Variants in HDAC9 observed in about 807,000 individuals in gnomAD.
The protein encoded by HDAC9 is histone deacetylase 9.
HDAC9 carries 41 observed loss-of-function variants against 139.4 expected under a neutral mutation model. The ratio of observed to expected loss-of-function variants is 0.29; its 90% confidence interval spans 0.23 to 0.38. The LOEUF is 0.38. Among genes scored for constraint, HDAC9 ranks in the 10% least tolerant of loss-of-function variants. The pLI, the probability that HDAC9 is intolerant of heterozygous loss-of-function variation, is 1.00. For missense variants in HDAC9, 1,147 were observed against 1,297.0 expected (o/e 0.88, Z 1.78); for synonymous variants, 517 against 476.2 (o/e 1.09, Z -1.12).
intron 22 of HDAC9, among the ~76,000 whole-genome samples, chr7:18,919,559 T>C (rs935975834): frequency 6.6e-6 from 1 of 151,882 alleles, no homozygotes; most frequent in Non-Finnish European, 1.5e-5. Context: ...AAACAACCCA[T>C]TGATGTAAAT....
chr7:18,288,717 C>T (rs1797611253), upstream of HDAC9, among the ~76,000 whole-genome samples: 1 of 152,144 alleles, frequency 6.6e-6, no homozygotes, highest in Non-Finnish European at 1.5e-5. Context: ...GCTTGAGCAG[C>T]TTAATGCTCT....
chr7:18,155,799 G>C (rs1243696545), intron 1 of HDAC9, among the ~76,000 whole-genome samples: 1 of 152,162 alleles, frequency 6.6e-6, no homozygotes, highest in Non-Finnish European at 1.5e-5. Context: ...CAATAGTCTT[G>C]CATAGATAAC....
intron 22 of HDAC9, among the ~76,000 whole-genome samples, chr7:18,918,211 G>A (rs1803380900): frequency 1.3e-5 from 2 of 151,998 alleles, no homozygotes; most frequent in African/African-American, 4.8e-5. Context: ...GTATAACTGT[G>A]ACAATGAAAA....
intron 23 of HDAC9, among the ~76,000 whole-genome samples, chr7:18,951,020 T>G (rs1463563029): frequency 6.6e-6 from 1 of 151,986 alleles, no homozygotes; most frequent in Non-Finnish European, 1.5e-5. Flanking sequence ...AAAAAATCAG[T>G]GAGCTGTTTT....
chr7:18,847,738 A>G (rs1385135505), intron 21 of HDAC9, among the ~76,000 whole-genome samples: 2 of 152,214 alleles, frequency 1.3e-5, no homozygotes, highest in South Asian at 2.1e-4. Context: ...CATCCTCCCC[A>G]TTCTGGCCGC....
At chr7:18,395,704 G>C (rs754012014) in intron 1 of HDAC9, among the ~76,000 whole-genome samples, 42 of 152,162 alleles carry the variant, frequency 2.8e-4, no homozygotes, top group Non-Finnish European at 5.7e-4. Context: ...ACATTGCCAA[G>C]ACATATTAGA....
At chr7:18,903,842 G>C (rs1362824789) in intron 22 of HDAC9, among the ~76,000 whole-genome samples, 1 of 152,150 alleles carries the variant, frequency 6.6e-6, no homozygotes, top group East Asian at 1.9e-4. Flanking sequence ...TTGTAGTCAA[G>C]CATGCTGTTC....
intron 11 of HDAC9, 96 bp from the exon 12 acceptor site, chr7:18,666,115 AAT>A: frequency 8.0e-7 from 1 of 1,256,274 alleles, no homozygotes; most frequent in Non-Finnish European, 1.1e-6. Flanking sequence ...AATGATTAGA[AAT>A]CACAGTGTAT....
Position 18,685,502 on chromosome 7 carries a change from A to G in HDAC9, c.1731+19026A>G, listed in dbSNP as rs553692268. 1.5e-4 allele frequency among the ~76,000 whole-genome samples: 23 copies of G among 152,210 alleles called. No homozygotes were observed. In the South Asian group the frequency reaches 4.3e-3, roughly 29 times the overall value. On this transcript the variant is annotated intron_variant, in intron 12 of 25. Coordinates refer to ENST00000686413, the MANE Select transcript of HDAC9 (RefSeq NM_178425.4). ...ACCCATGCTGACATGTAAAGATGAC[A>G]TATAGCCACAGCTTTCTTGACAGTT... is the stretch of plus-strand genomic sequence containing the variant.
intron 1 of HDAC9, among the ~76,000 whole-genome samples, chr7:18,103,678 C>T (rs867201611): frequency 3.3e-5 from 5 of 152,214 alleles, no homozygotes; most frequent in Non-Finnish European, 5.9e-5. Flanking sequence ...TTGGAATCTG[C>T]GACCTTAAGT....
chr7:18,485,533 G>A (rs1379227039), intron 1 of HDAC9, among the ~76,000 whole-genome samples: 1 of 151,138 alleles, frequency 6.6e-6, no homozygotes, highest in African/African-American at 2.4e-5. Context: ...GTTTATAGCT[G>A]ATGTTAGTTC....
intron 13 of HDAC9, among the ~76,000 whole-genome samples, chr7:18,746,268 G>A (rs910787455): frequency 1.3e-5 from 2 of 152,076 alleles, no homozygotes; most frequent in Admixed American, 6.6e-5. Flanking sequence ...TGAAAAAAAT[G>A]TTAAACAGTT....
chr7:18,442,125 A>G (rs754275933), intron 1 of HDAC9, among the ~76,000 whole-genome samples: 2 of 152,166 alleles, frequency 1.3e-5, no homozygotes, highest in Non-Finnish European at 2.9e-5. Context: ...TAGTTTTCAC[A>G]GATTTTCAAT....
At chr7:18,151,207 A>G (rs1309236035) in intron 1 of HDAC9, among the ~76,000 whole-genome samples, 4 of 152,186 alleles carry the variant, frequency 2.6e-5, no homozygotes, top group Non-Finnish European at 5.9e-5. Context: ...TTCAGTTTCA[A>G]AGGTGGCTTT....
At chr7:18,577,940 A>T (rs992458562) in intron 2 of HDAC9, among the ~76,000 whole-genome samples, 1 of 152,132 alleles carries the variant, frequency 6.6e-6, no homozygotes, top group Non-Finnish European at 1.5e-5. Flanking sequence ...GTTAAAAAAA[A>T]TTTAAAAACC....
chr7:18,126,549 A>G (rs964964336), intron 1 of HDAC9, among the ~76,000 whole-genome samples: 4 of 152,196 alleles, frequency 2.6e-5, no homozygotes, highest in Non-Finnish European at 4.4e-5. Context: ...CAGATTAATT[A>G]TTATATCTTT....
At chr7:18,703,911 C>G (rs1282140990) in intron 12 of HDAC9, among the ~76,000 whole-genome samples, 1 of 152,164 alleles carries the variant, frequency 6.6e-6, no homozygotes, top group Admixed American at 6.5e-5. Context: ...CTAATTTTAG[C>G]TGCTTCCTTT....
intron 12 of HDAC9, among the ~76,000 whole-genome samples, chr7:18,687,129 A>G (rs1377986507): frequency 6.6e-6 from 1 of 151,868 alleles, no homozygotes; most frequent in Non-Finnish European, 1.5e-5. Flanking sequence ...GTTAATAAAC[A>G]TTTATGCTTT....
At chr7:18,270,809 T>C (rs181238910) in intron 2 of HDAC9, among the ~76,000 whole-genome samples, 1 of 152,218 alleles carries the variant, frequency 6.6e-6, no homozygotes, top group Admixed American at 6.5e-5. Context: ...ATAAAACCAA[T>C]AGAAAACCAG....
Sources: gnomAD v4.1 joint callset for allele counts (sites outside exome capture counted in the v4.1 genomes callset) on GRCh38, gnomAD v4.1.1 for gene constraint, MANE v1.5 for transcripts, NCBI Gene and HGNC (gene_info 2026-07-23, HGNC 2026-07-21) for gene names.